TTC34: variants seen among roughly 807,000 people sequenced by gnomAD.
TTC34 encodes the protein tetratricopeptide repeat domain 34.
Under a neutral mutation model 40.7 loss-of-function variants are expected in TTC34, and 44 were observed. That is an observed-to-expected ratio of 1.08 (90% CI 0.85 to 1.39). The LOEUF (loss-of-function observed/expected upper bound fraction) is 1.39. Ranked by LOEUF, TTC34 falls within the 40% of genes most tolerant of loss-of-function variation. The probability of loss-of-function intolerance (pLI) is 0.00; values close to 1 mark genes in which losing one functional copy is unlikely to be tolerated. For synonymous variants in TTC34, 422 were observed against 398.6 expected, an observed-to-expected ratio of 1.06 and a Z score of -0.70; for missense variants, 884 against 838.0, an observed-to-expected ratio of 1.05 and a Z score of -0.68.
chr1:2,749,020 C>T (rs1569684662), intron 6 of TTC34, among the ~76,000 whole-genome samples: 31 of 139,928 alleles, frequency 2.2e-4, no homozygotes, highest in South Asian at 4.6e-4. Flanking sequence ...GAGCATCTGA[C>T]AGCCTGGAAC....
intron 2 of TTC34, among the ~76,000 whole-genome samples, chr1:2,797,855 G>C (rs1385081861): frequency 6.6e-6 from 1 of 151,940 alleles, no homozygotes; most frequent in Non-Finnish European, 1.5e-5. Context: ...AAACGTTCCT[G>C]ACCCTCCTTC....
chr1:2,674,918 C>A (rs1330752724), intron 6 of TTC34, among the ~76,000 whole-genome samples: 3 of 121,356 alleles, frequency 2.5e-5, no homozygotes, highest in Non-Finnish European at 3.7e-5. Flanking sequence ...GCAGTGCCCA[C>A]ACCCCGAGGT....
At chr1:2,680,669 T>G (rs1570797632) in intron 6 of TTC34, among the ~76,000 whole-genome samples, 1 of 91,126 alleles carries the variant, frequency 1.1e-5, no homozygotes. Flanking sequence ...CACCCCCAGG[T>G]GAGCATCTGA....
rs1643712834 is a variant in TTC34, at chr1:2,796,703, C to T, written c.784+3341G>A. On this transcript the variant is annotated intron_variant, in intron 2 of 8. Transcript: ENST00000401095. The surrounding 1 kb of genome is among the most constrained non-coding windows in gnomAD (Gnocchi z 4.5). ...CCCCTTGCTGTGGGCATGGTCCTCA[C>T]CAGCCCCTGAGTGCCTGTGCTCTGG... Among the ~76,000 whole-genome samples the T allele has an allele frequency of 6.6e-6, 1 of 152,212 alleles. No homozygotes were observed. Among genetic ancestry groups the T allele is most frequent in the Non-Finnish European group, 1.5e-5 (1 of 68,044 alleles).
intron 6 of TTC34, among the ~76,000 whole-genome samples, chr1:2,749,471 A>T (rs1373617795): frequency 1.8e-5 from 1 of 54,174 alleles, no homozygotes; most frequent in Non-Finnish European, 3.3e-5. Flanking sequence ...ACGGCCTGGA[A>T]CAGCACCCAC....
At chr1:2,685,902 C>T (rs1173143049) in intron 6 of TTC34, among the ~76,000 whole-genome samples, 1 of 146,482 alleles carries the variant, frequency 6.8e-6, no homozygotes, top group African/African-American at 2.6e-5. Context: ...ATCTGACAGC[C>T]TGGAACAGCA....
intron 6 of TTC34, among the ~76,000 whole-genome samples, chr1:2,756,904 C>A (rs1641525294): frequency 2.0e-5 from 3 of 151,992 alleles, no homozygotes; most frequent in African/African-American, 2.4e-5. Flanking sequence ...GCAGTACCCA[C>A]ACCCACAGTT....
At chr1:2,764,495 T>C (rs1298038331) in intron 6 of TTC34, among the ~76,000 whole-genome samples, 216 of 57,966 alleles carry the variant, frequency 3.7e-3, no homozygotes, top group Non-Finnish European at 4.3e-3. Context: ...TGGAGCAGCG[T>C]CCACACCCCC....
intron 6 of TTC34, among the ~76,000 whole-genome samples, chr1:2,757,770 A>C (rs1641554961): frequency 1.6e-5 from 2 of 123,270 alleles, no homozygotes; most frequent in African/African-American, 3.5e-5. Context: ...GAGCATCTGA[A>C]CCCACGGAGC....
At chr1:2,786,176 G>A (rs777936464) in intron 4 of TTC34, among the ~76,000 whole-genome samples, 153 bp from the exon 5 acceptor site, 1 of 146,656 alleles carries the variant, frequency 6.8e-6, no homozygotes, top group South Asian at 2.3e-4. Flanking sequence ...GCTGCCCCAC[G>A]GCTCACCCAG....
chr1:2,684,651 C>T (rs1169382787), intron 6 of TTC34, among the ~76,000 whole-genome samples: 2 of 134,288 alleles, frequency 1.5e-5, no homozygotes, highest in Non-Finnish European at 3.1e-5. Flanking sequence ...AGGTGAGCAT[C>T]CGACAGCCTG....
intron 6 of TTC34, among the ~76,000 whole-genome samples, chr1:2,676,838 C>G: frequency 2.0e-5 from 1 of 50,288 alleles, no homozygotes; most frequent in African/African-American, 8.4e-5. Context: ...CCTGGAACAG[C>G]ACCCACACCC....
chr1:2,789,847 G>A (rs1643641967), exon 3 of TTC34: 4 of 431,530 alleles, frequency 9.3e-6, no homozygotes, highest in Non-Finnish European at 1.6e-5. Flanking sequence ...GCGAGTCCCC[G>A]GCGTGCAGCG....
intron 6 of TTC34, among the ~76,000 whole-genome samples, chr1:2,753,696 AC>A (rs1403999749): frequency 2.6e-4 from 26 of 98,762 alleles, no homozygotes; most frequent in African/African-American, 1.1e-3. Flanking sequence ...AGCACCCTGC[AC>A]CCCCAGGTGA....
chr1:2,782,805 G>T (rs1177850790), intron 6 of TTC34, among the ~76,000 whole-genome samples: 2 of 152,206 alleles, frequency 1.3e-5, no homozygotes. Flanking sequence ...GGGAGGTGAA[G>T]TGATTCGGCT....
chr1:2,687,128 C>A (rs1349274984), intron 6 of TTC34, among the ~76,000 whole-genome samples: 1 of 143,120 alleles, frequency 7.0e-6, no homozygotes, highest in Non-Finnish European at 1.5e-5. Context: ...CCCACACCCA[C>A]AGGTGAGCAT....
intron 6 of TTC34, among the ~76,000 whole-genome samples, chr1:2,698,607 CT>C (rs1184024525): frequency 7.6e-5 from 5 of 65,560 alleles, no homozygotes; most frequent in African/African-American, 1.3e-4. Context: ...AGCACCCACA[CT>C]CCCAGACGAG....
At chr1:2,687,977 G>C (rs1640442595) in intron 6 of TTC34, among the ~76,000 whole-genome samples, 5 of 147,012 alleles carry the variant, frequency 3.4e-5, no homozygotes, top group Admixed American at 3.4e-4. Context: ...CCCCAGGAGA[G>C]CATCTGACAG....
chr1:2,640,384 A>G (rs28690427), exon 9 of TTC34: 92,197 of 152,002 alleles, frequency 0.61, 28,655 homozygotes, highest in Non-Finnish European at 0.68. Context: ...CGCACGTATA[A>G]GAACAAGCTG....
Sources: allele counts gnomAD v4.1 joint callset (sites outside exome capture counted in the v4.1 genomes callset), GRCh38; gene constraint gnomAD v4.1.1; non-coding constraint Gnocchi (gnomAD v3.1); transcripts MANE v1.5; gene names NCBI Gene and HGNC (gene_info 2026-07-23, HGNC 2026-07-21).